FKBP15: variants seen among roughly 807,000 people sequenced by gnomAD.
FKBP15 encodes the protein FKBP prolyl isomerase family member 15, also known as FK506-binding protein 15.
Under a neutral mutation model 158.1 loss-of-function variants are expected in FKBP15, and 106 were observed. The observed-to-expected ratio is 0.67, with a 90% confidence interval of 0.57 to 0.79. The LOEUF is 0.79. Among genes scored for constraint, FKBP15 ranks in the 30% least tolerant of loss-of-function variants. FKBP15 has a pLI of 0.00. For missense variants in FKBP15, 1,287 were observed against 1,479.1 expected (o/e 0.87, Z 2.13); for synonymous variants, 547 against 548.6 (o/e 1.00, Z 0.04).
Position 113,169,487 on chromosome 9 carries a change from TG to T in FKBP15, c.3221del (p.Pro1074HisfsTer10), listed in dbSNP as rs1830164692. 1 of 1,614,030 alleles carries T rather than the reference TG, an allele frequency of 6.2e-7. No homozygotes were observed. The highest frequency in any genetic ancestry group is 8.5e-7 in the Non-Finnish European group (1 of 1,179,896). On this transcript the variant is annotated frameshift_variant, in exon 26 of 28. Coordinates refer to ENST00000238256, the MANE Select transcript of FKBP15 (RefSeq NM_015258.2). LOFTEE classifies it high-confidence loss of function. ...ASPMAAKPDN[P>X]SGKVCVREVA... ...CTTCCCTGACACAGACCTTTCCTGA[TG>T]GGTTGTCGGGCTTAGCTGCCATTGG...
In FKBP15 at chr9:113,161,931, T is replaced by A. The variant is rs1306794068; in HGVS notation, c.*4147A>T. ...CACTTGAGAGGCTCAGAAGGCTTTC[T>A]TTAGGGAACAGTGATCTTCAGGTGC... On this transcript the variant is annotated 3_prime_UTR_variant, in exon 28 of 28. Coordinates refer to ENST00000238256, the MANE Select transcript of FKBP15 (RefSeq NM_015258.2). 1 of 635,956 alleles carries A rather than the reference T, an allele frequency of 1.6e-6. No individual in the cohort carries two copies. Among genetic ancestry groups the A allele is most frequent in the African/African-American group, 1.8e-5 (1 of 54,366 alleles). 39.4% of individuals were successfully genotyped at this position (635,956 alleles called of 1,614,324 possible).
chr9:113,183,745 C>T lies in FKBP15; in HGVS notation c.1811+6G>A. On this transcript the variant is annotated splice_donor_region_variant and intron_variant, in intron 18 of 27. Coordinates refer to ENST00000238256, the MANE Select transcript of FKBP15 (RefSeq NM_015258.2). ...CATCCTAGCCAGGCCCCGTACCTGT[C>T]ATTACCTCTGATTTCGTTCAATTAG... is the stretch of plus-strand genomic sequence containing the variant. The T allele has an allele frequency of 6.2e-7, 1 of 1,605,882 alleles. No homozygotes were observed. The highest frequency in any genetic ancestry group is 8.5e-7 in the Non-Finnish European group (1 of 1,172,752).
rs1412680135 is a variant in FKBP15, at chr9:113,171,796, C to T, written c.2533-90G>A. 5.4e-5 allele frequency: 59 copies of T among 1,093,974 alleles called. No individual in the cohort carries two copies. The South Asian group carries it at 1.0e-3, about 19-fold the overall frequency. The allele number at this position is 1,093,974 out of a possible 1,614,324, so 67.8% of individuals were successfully genotyped here. Reference sequence around the variant, plus strand: ...GAGGAGAACCACCCAAACATCAAGTCTCTTTTTTTTTTTTTTGCATATAAT... The same window carrying T: ...GAGGAGAACCACCCAAACATCAAGTTTCTTTTTTTTTTTTTTGCATATAAT... On this transcript the variant is annotated intron_variant, in intron 23 of 27. Coordinates refer to ENST00000238256, the MANE Select transcript of FKBP15 (RefSeq NM_015258.2).
intron 21 of FKBP15, among the ~76,000 whole-genome samples, chr9:113,175,969 A>G (rs1466296324): frequency 2.6e-5 from 4 of 152,224 alleles, no homozygotes; most frequent in South Asian, 2.1e-4. Context: ...AAATTCAAAT[A>G]TGTAGCCTTC....
rs201782767 is a variant in FKBP15, at chr9:113,162,960, G to C, written c.*3118C>G. On this transcript the variant is annotated 3_prime_UTR_variant, in exon 28 of 28. Coordinates refer to ENST00000238256, the MANE Select transcript of FKBP15 (RefSeq NM_015258.2). ...GGCACTGAGGCTGGAGGGACATGGA[G>C]CCCCCTCTTCCAGACACTATACTTC... 3.3e-4 allele frequency: 507 copies of C among 1,522,004 alleles called. No homozygotes were observed. The highest frequency in any genetic ancestry group is 4.1e-4 in the Non-Finnish European group (462 of 1,128,978). The allele number at this position is 1,522,004 out of a possible 1,614,324, so 94.3% of individuals were successfully genotyped here. A position where few individuals can be genotyped will look rare whatever the true frequency, so the allele number is the denominator to read the frequency against.
rs758513038 is a variant in FKBP15 at position 113,188,462 on chromosome 9, C to T, written c.1203G>A (p.Gln401=). ...GCTGGACGGACGGAGTCACCACAGGCTGCCCACCTCCTTGCAGAGTGTTCA... is the reference window on the plus strand; with the variant it reads ...GCTGGACGGACGGAGTCACCACAGGTTGCCCACCTCCTTGCAGAGTGTTCA... ...EDVNTLQGGG[Q]PVVTPSVQPS... Residue 401 remains glutamine (Q), a synonymous_variant, in exon 13 of 28, where the codon CAG becomes CAA. Coordinates refer to ENST00000238256, the MANE Select transcript of FKBP15 (RefSeq NM_015258.2). 1.2e-6 allele frequency: 2 copies of T among 1,613,922 alleles called. No homozygotes were observed. Among genetic ancestry groups the T allele is most frequent in the Non-Finnish European group, 1.7e-6 (2 of 1,179,846 alleles).
At chr9:113,169,078 A>T in intron 26 of FKBP15, 146 bp downstream of exon 26, 1 of 1,128,594 alleles carries the variant, frequency 8.9e-7, no homozygotes, top group Non-Finnish European at 1.2e-6. Context: ...TGTACATGGT[A>T]GGTGTTGTTG....
intron 2 of FKBP15, among the ~76,000 whole-genome samples, chr9:113,209,145 A>G (rs748076932): frequency 7.9e-5 from 12 of 152,152 alleles, no homozygotes; most frequent in Non-Finnish European, 1.8e-4. Context: ...TAATAAACTC[A>G]TAGTTGCTGT....
chr9:113,170,068 A>C (rs999766877), intron 25 of FKBP15, 126 bp from the exon 26 acceptor site: 13 of 1,261,930 alleles, frequency 1.0e-5, no homozygotes, highest in Admixed American at 5.8e-5. Flanking sequence ...GAGGCTGACT[A>C]TATCTGTCAA....
Position 113,178,764 on chromosome 9 carries a change from T to G in FKBP15, c.1952A>C (p.Gln651Pro). 3.1e-6 allele frequency: 5 copies of G among 1,609,884 alleles called. No individual in the cohort carries two copies. The highest frequency in any genetic ancestry group is 4.2e-6 in the Non-Finnish European group (5 of 1,177,998). Residue 651 changes from glutamine (Q) to proline (P), a missense_variant, in exon 20 of 28, where the codon CAG becomes CCG. Coordinates refer to ENST00000238256, the MANE Select transcript of FKBP15 (RefSeq NM_015258.2). ...VTEELAAATA[Q>P]VSHLQLKMTA... ...CATTTTCAGCTGCAGATGAGAGACCTGTGCAGTGGCCGCTGCTAACTCCTC... is the reference window on the plus strand; with the variant it reads ...CATTTTCAGCTGCAGATGAGAGACCGGTGCAGTGGCCGCTGCTAACTCCTC...
chr9:113,216,367 A>G (rs1831135276), intron 1 of FKBP15, among the ~76,000 whole-genome samples: 1 of 152,234 alleles, frequency 6.6e-6, no homozygotes, highest in Non-Finnish European at 1.5e-5. Flanking sequence ...ACTTGAAACT[A>G]TTACCTTCTT....
chr9:113,219,113 C>A (rs1831200928), intron 1 of FKBP15, among the ~76,000 whole-genome samples: 1 of 152,154 alleles, frequency 6.6e-6, no homozygotes, highest in African/African-American at 2.4e-5. Flanking sequence ...ATTACTATTA[C>A]TTCCCACAAC....
At chr9:113,185,454 A>C (rs1021398139) in intron 15 of FKBP15, among the ~76,000 whole-genome samples, 2 of 152,200 alleles carry the variant, frequency 1.3e-5, no homozygotes, top group South Asian at 4.1e-4. Context: ...CTTCCAGATA[A>C]AGGCTGCATT....
chr9:113,212,181 T>A (rs1020409742), intron 1 of FKBP15, among the ~76,000 whole-genome samples: 1 of 152,034 alleles, frequency 6.6e-6, no homozygotes, highest in African/African-American at 2.4e-5. Flanking sequence ...TCACTAAAAA[T>A]TTTTTTGTTT....
chr9:113,204,870 T>C (rs969323535), intron 4 of FKBP15, among the ~76,000 whole-genome samples: 9 of 152,226 alleles, frequency 5.9e-5, no homozygotes, highest in Non-Finnish European at 8.8e-5. Flanking sequence ...CTTTTGTACT[T>C]TTCCTCTATT....
chr9:113,216,534 G>A (rs1325639589), intron 1 of FKBP15, among the ~76,000 whole-genome samples: 3 of 152,152 alleles, frequency 2.0e-5, no homozygotes, highest in Non-Finnish European at 4.4e-5. Context: ...ATGGAATTTA[G>A]AAGACAGCAA....
intron 1 of FKBP15, 47 bp from the exon 2 acceptor site, chr9:113,211,639 C>G: frequency 7.1e-7 from 1 of 1,401,238 alleles, no homozygotes; most frequent in Non-Finnish European, 9.9e-7. Context: ...ATATCCCAAA[C>G]CTGGAATTAT....
At chr9:113,200,670 T>G (rs1038803583) in intron 6 of FKBP15, among the ~76,000 whole-genome samples, 6 of 152,186 alleles carry the variant, frequency 3.9e-5, no homozygotes, top group Non-Finnish European at 7.4e-5. Context: ...TTTATGAGTT[T>G]AGAAAAATGT....
intron 10 of FKBP15, 144 bp from the exon 11 acceptor site, chr9:113,193,693 C>T: frequency 1.4e-6 from 1 of 711,872 alleles, no homozygotes; most frequent in Non-Finnish European, 2.4e-6. Context: ...CTTTAGTTTG[C>T]ATAATCTTTG....
Sources: gnomAD v4.1 joint callset for allele counts (sites outside exome capture counted in the v4.1 genomes callset) on GRCh38, gnomAD v4.1.1 for gene constraint, MANE v1.5 for transcripts, NCBI Gene and HGNC (gene_info 2026-07-23, HGNC 2026-07-21) for gene names.